The following VWA3B variants were observed in gnomAD, a reference collection of about 807,000 sequenced individuals.
VWA3B encodes the protein von Willebrand factor A domain containing 3B.
Under a neutral mutation model 158.3 loss-of-function variants are expected in VWA3B, and 138 were observed. That is an observed-to-expected ratio of 0.87 (90% CI 0.76 to 1.00). The LOEUF is 1.00. Among genes scored for constraint, VWA3B ranks in the 50% least tolerant of loss-of-function variants. The pLI is 0.00. For missense variants in VWA3B, 1,555 were observed against 1,565.1 expected (o/e 0.99, Z 0.11); for synonymous variants, 596 against 587.3 (o/e 1.01, Z -0.21).
At position 98,289,204 on chromosome 2, in the gene VWA3B, G is replaced by GAT. The variant is rs562634334; in HGVS notation, c.3046-1298_3046-1297dup. On this transcript the variant is annotated intron_variant, in intron 22 of 27. Coordinates refer to ENST00000477737, the MANE Select transcript of VWA3B (RefSeq NM_144992.5). ...TGAATCATTATTTTTGCATATGTTA[G>GAT]ATATATATATGCATGCTTGTATATC... Among the ~76,000 whole-genome samples, 1,038 of 152,156 alleles carry GAT rather than the reference G, an allele frequency of 6.8e-3. 6 individuals are homozygous for GAT. The highest frequency in any genetic ancestry group is 8.8e-3 in the Non-Finnish European group (599 of 67,998).
At chr2:98,278,192 G>T (rs1473802553) in intron 22 of VWA3B, among the ~76,000 whole-genome samples, 2 of 152,182 alleles carry the variant, frequency 1.3e-5, no homozygotes, top group East Asian at 1.9e-4. Context: ...AAAGAGGGTG[G>T]CTTGTTTACT....
chr2:98,136,688 G>A (rs562447952), intron 7 of VWA3B, among the ~76,000 whole-genome samples: 1 of 151,754 alleles, frequency 6.6e-6, no homozygotes, highest in South Asian at 2.1e-4. Context: ...CCATCCTCAT[G>A]ACTTAATCAC....
chr2:98,220,707 C>A (rs543854333), intron 14 of VWA3B, among the ~76,000 whole-genome samples: 9 of 152,182 alleles, frequency 5.9e-5, no homozygotes, highest in Non-Finnish European at 1.3e-4. Context: ...ATAGCAAAGA[C>A]ATGGAACCAA....
At chr2:98,234,800 C>T in intron 17 of VWA3B, 33 bp downstream of exon 17, 1 of 1,613,606 alleles carries the variant, frequency 6.2e-7, no homozygotes. Context: ...GGCCAACCAG[C>T]CTCCCTTTCC....
chr2:98,132,303 C>T (rs1396750056), intron 6 of VWA3B, among the ~76,000 whole-genome samples: 1 of 152,226 alleles, frequency 6.6e-6, no homozygotes, highest in Admixed American at 6.5e-5. Context: ...TGCCTGGACA[C>T]CCCATGGCTT....
chr2:98,179,714 CTT>C (rs1185952027), intron 8 of VWA3B, among the ~76,000 whole-genome samples: 8 of 149,230 alleles, frequency 5.4e-5, no homozygotes, highest in Non-Finnish European at 1.2e-4. Context: ...TTTCTTTCTT[CTT>C]TCTTTTTCTT....
intron 21 of VWA3B, among the ~76,000 whole-genome samples, chr2:98,260,431 C>A (rs1687410698): frequency 6.6e-6 from 1 of 151,468 alleles, no homozygotes; most frequent in Non-Finnish European, 1.5e-5. Context: ...AATGGTACAA[C>A]AATAAAAATG....
At chr2:98,295,669 G>A (rs769991528) in intron 23 of VWA3B, among the ~76,000 whole-genome samples, 20 of 152,172 alleles carry the variant, frequency 1.3e-4, no homozygotes, top group Non-Finnish European at 2.5e-4. Flanking sequence ...CAGAACCGAG[G>A]TCCTCAAACG....
intron 7 of VWA3B, among the ~76,000 whole-genome samples, chr2:98,150,831 T>A (rs890805753): frequency 2.6e-5 from 4 of 152,200 alleles, no homozygotes; most frequent in Non-Finnish European, 5.9e-5. Flanking sequence ...TGCCACTGAC[T>A]CTCTGGAGGG....
chr2:98,317,338 C>CG (rs1005887488), downstream of VWA3B, among the ~76,000 whole-genome samples: 2 of 152,134 alleles, frequency 1.3e-5, no homozygotes, highest in African/African-American at 4.8e-5. Context: ...TAAACCCCCC[C>CG]CAGCCATCTG....
chr2:98,207,270 T>C (rs184730651), intron 12 of VWA3B: 1 of 503,184 alleles, frequency 2.0e-6, no homozygotes, highest in Admixed American at 2.1e-5. Context: ...CTTCCTTTGC[T>C]CATTTGGATG....
At chr2:98,108,053 T>C (rs767553192) in intron 2 of VWA3B, among the ~76,000 whole-genome samples, 1 of 152,104 alleles carries the variant, frequency 6.6e-6, no homozygotes, top group Non-Finnish European at 1.5e-5. Flanking sequence ...AATTTTTATA[T>C]GTTGTATTAT....
chr2:98,218,012 C>A lies in VWA3B; in HGVS notation c.2003C>A (p.Pro668His). The change falls in exon 14 of 28, where the codon CCC becomes CAC. Residue 668 changes from proline (P) to histidine (H), a missense_variant. By Grantham distance (77) the Pro-to-His change is moderately conservative (BLOSUM62 -2). Transcript: ENST00000477737. ...FYNFGCKDPT[P>H]PEAVQNEDLT... ...AATTTTGGTTGCAAGGATCCCACTCCCCCAGAGGCTGTTCAGGTAAGAGCT... is the reference window on the plus strand; with the variant it reads ...AATTTTGGTTGCAAGGATCCCACTCACCCAGAGGCTGTTCAGGTAAGAGCT... 1 of 1,608,950 alleles carries A rather than the reference C, an allele frequency of 6.2e-7. No individual in the cohort carries two copies. Among genetic ancestry groups the A allele is most frequent in the Non-Finnish European group, 8.5e-7 (1 of 1,177,832 alleles).
chr2:98,228,255 G>A lies in VWA3B; in HGVS notation c.2073G>A (p.Leu691=), dbSNP rs1685073325. 1 of 1,613,970 alleles carries A rather than the reference G, an allele frequency of 6.2e-7. No homozygotes were observed. Among genetic ancestry groups the A allele is most frequent in the Non-Finnish European group, 8.5e-7 (1 of 1,179,996 alleles). The change falls in exon 15 of 28, where the codon CTG becomes CTA. Residue 691 remains leucine, a synonymous_variant. Transcript: ENST00000477737. ...AAATGGAACAGGGTCACAGTGATCT[G>A]GAGAAGATGCAAGACCTTTATTCTG... is the stretch of plus-strand genomic sequence containing the variant. ...VKEMEQGHSD[L]EKMQDLYSES...
intron 14 of VWA3B, among the ~76,000 whole-genome samples, chr2:98,226,223 G>A (rs1213871199): frequency 6.6e-6 from 1 of 152,164 alleles, no homozygotes; most frequent in African/African-American, 2.4e-5. Context: ...TTGCTCTGGT[G>A]GAGAAACAGA....
At chr2:98,224,699 T>A (rs1684773785) in intron 14 of VWA3B, among the ~76,000 whole-genome samples, 1 of 152,026 alleles carries the variant, frequency 6.6e-6, no homozygotes, top group Non-Finnish European at 1.5e-5. Context: ...ATAATACTTT[T>A]TAAATTAATG....
chr2:98,150,269 GT>G (rs967757337), intron 7 of VWA3B, among the ~76,000 whole-genome samples: 1 of 152,180 alleles, frequency 6.6e-6, no homozygotes, highest in Admixed American at 6.5e-5. Context: ...TCTCCCGAAA[GT>G]TTTTTCTGTG....
intron 9 of VWA3B, among the ~76,000 whole-genome samples, chr2:98,182,427 G>A (rs555914517): frequency 3.9e-5 from 6 of 152,288 alleles, no homozygotes; most frequent in African/African-American, 1.4e-4. Context: ...ATGACAAACT[G>A]CAAGGAAGAA....
intron 23 of VWA3B, among the ~76,000 whole-genome samples, chr2:98,294,232 A>G (rs1574296443): frequency 1.4e-5 from 2 of 145,144 alleles, no homozygotes; most frequent in African/African-American, 5.1e-5. Flanking sequence ...AAAAAAAAAG[A>G]AGGCCAAATA....
Sources: allele counts gnomAD v4.1 joint callset (sites outside exome capture counted in the v4.1 genomes callset), GRCh38; gene constraint gnomAD v4.1.1; transcripts MANE v1.5; gene names NCBI Gene and HGNC (gene_info 2026-07-23, HGNC 2026-07-21).